Variants in FBXL2 observed in about 807,000 individuals in gnomAD.
FBXL2 encodes F-box/LRR-repeat protein 2.
A neutral mutation model predicts 69.2 loss-of-function variants in FBXL2; 38 were observed. The observed-to-expected ratio is 0.55, with a 90% CI of 0.42 to 0.72. FBXL2 has a LOEUF of 0.72. Among genes scored for constraint, FBXL2 ranks in the 30% least tolerant of loss-of-function variants. The pLI is 0.00. For synonymous variants in FBXL2, 192 were observed against 201.3 expected, an observed-to-expected ratio of 0.95 and a Z score of 0.39; for missense variants, 354 against 520.3, an observed-to-expected ratio of 0.68 and a Z score of 3.11.
intron 2 of FBXL2, among the ~76,000 whole-genome samples, chr3:33,336,303 C>T (rs925242538): frequency 1.3e-5 from 2 of 151,936 alleles, no homozygotes; most frequent in African/African-American, 4.8e-5. Context: ...TAAGGATCAC[C>T]TGATTTACCA....
chr3:33,365,360 A>G (rs1193672718), intron 5 of FBXL2, among the ~76,000 whole-genome samples: 1 of 151,576 alleles, frequency 6.6e-6, no homozygotes, highest in Non-Finnish European at 1.5e-5. Flanking sequence ...ACTCACTGCA[A>G]CCTCTGCCTC....
chr3:33,296,064 G>A lies in FBXL2; in HGVS notation c.4-1600G>A, dbSNP rs1024984981. On this transcript the variant is annotated intron_variant, in intron 1 of 14. Transcript: ENST00000484457. ...GCCCTTTGAAGTACAAAGGTCTTTT[G>A]TTTGTTTGTTTGTGTTTCTGAGACA... Among the ~76,000 whole-genome samples the A allele has an allele frequency of 1.9e-4, 29 of 151,984 alleles. No homozygotes were observed. In the Middle Eastern group the frequency reaches 0.014, roughly 71 times the overall value.
intron 12 of FBXL2, chr3:33,393,523 T>C (rs2043850739): frequency 6.7e-7 from 1 of 1,499,088 alleles, no homozygotes; most frequent in Non-Finnish European, 9.0e-7. Flanking sequence ...GCCTGATCTG[T>C]AGGATCTGTA....
chr3:33,405,434 A>G (rs988786588), downstream of FBXL2, among the ~76,000 whole-genome samples: 2 of 152,192 alleles, frequency 1.3e-5, no homozygotes, highest in Non-Finnish European at 1.5e-5. Context: ...ACGCCAGAAC[A>G]TTGCCTCCTT....
chr3:33,277,430 C>A, upstream of FBXL2: 1 of 1,240,476 alleles, frequency 8.1e-7, no homozygotes. Flanking sequence ...CGGGGCGGGG[C>A]GCCTGGCTGG....
intron 2 of FBXL2, among the ~76,000 whole-genome samples, chr3:33,333,165 G>C (rs2039302856): frequency 6.6e-6 from 1 of 152,164 alleles, no homozygotes; most frequent in African/African-American, 2.4e-5. Context: ...ATTTTGAAAT[G>C]TGGTTACACA....
intron 9 of FBXL2, among the ~76,000 whole-genome samples, chr3:33,374,502 T>A (rs1472981835): frequency 6.6e-6 from 1 of 152,196 alleles, no homozygotes; most frequent in African/African-American, 2.4e-5. Context: ...TTGAGAAAGG[T>A]AAGGGAAAAC....
chr3:33,359,661 GACAAAT>G (rs2041472654), intron 4 of FBXL2, among the ~76,000 whole-genome samples: 1 of 151,710 alleles, frequency 6.6e-6, no homozygotes, highest in Non-Finnish European at 1.5e-5. Context: ...TAGGAGACTT[GACAAAT>G]ACTTATTGAT....
intron 1 of FBXL2, among the ~76,000 whole-genome samples, chr3:33,283,973 AT>A (rs1236045072): frequency 1.3e-5 from 2 of 151,934 alleles, no homozygotes; most frequent in Non-Finnish European, 2.9e-5. Context: ...CAGTCTATCA[AT>A]TTTGTTGATC....
At chr3:33,389,859 T>G (rs924144458), downstream of FBXL2, 7 of 157,740 alleles carry the variant, frequency 4.4e-5, no homozygotes, top group African/African-American at 1.7e-4. Flanking sequence ...AACACAACTC[T>G]CCGCATACAG....
chr3:33,407,196 A>G (rs531241314), downstream of FBXL2, among the ~76,000 whole-genome samples: 2 of 152,342 alleles, frequency 1.3e-5, no homozygotes, highest in African/African-American at 4.8e-5. Context: ...GCAGTAAGCA[A>G]TACATGAGGA....
intron 5 of FBXL2, 98 bp from the exon 6 acceptor site, chr3:33,372,990 TTAAG>T (rs2042390600): frequency 1.0e-6 from 1 of 967,106 alleles, no homozygotes; most frequent in Non-Finnish European, 1.7e-6. Context: ...CGCGCTTTAA[TTAAG>T]TTTGAGGGAG....
intron 5 of FBXL2, among the ~76,000 whole-genome samples, chr3:33,370,886 A>C (rs1181915253): frequency 6.6e-6 from 1 of 151,996 alleles, no homozygotes; most frequent in Non-Finnish European, 1.5e-5. Context: ...CTATGGGTTT[A>C]TTGTTTTCAT....
At chr3:33,415,616 A>G in the FBXL2 span, among the ~76,000 whole-genome samples, 5 of 152,168 alleles carry the variant, frequency 3.3e-5, no homozygotes, top group Admixed American at 6.5e-5. Flanking sequence ...ACCATAATAA[A>G]AAGTTAAAAA....
At chr3:33,367,283 T>C (rs1017554942) in intron 5 of FBXL2, among the ~76,000 whole-genome samples, 5 of 152,120 alleles carry the variant, frequency 3.3e-5, no homozygotes, top group East Asian at 1.9e-4. Context: ...GGTTTCACCA[T>C]GTTGGCCAGG....
downstream of FBXL2, chr3:33,389,002 A>C (rs1414401839): frequency 2.0e-5 from 3 of 152,264 alleles, no homozygotes; most frequent in Non-Finnish European, 4.4e-5. Flanking sequence ...AATGGAATAG[A>C]AGTTAAAAAA....
intron 2 of FBXL2, among the ~76,000 whole-genome samples, chr3:33,351,440 C>A (rs2040823448): frequency 6.6e-6 from 1 of 151,840 alleles, no homozygotes; most frequent in African/African-American, 2.4e-5. Context: ...AATGAAATAC[C>A]TAAGTATAAT....
intron 2 of FBXL2, among the ~76,000 whole-genome samples, chr3:33,320,603 C>T: frequency 6.6e-6 from 1 of 151,866 alleles, no homozygotes; most frequent in Admixed American, 6.6e-5. Context: ...GCCTCAGCGT[C>T]CTGAGTAGCT....
At position 33,387,330 on chromosome 3, in the gene FBXL2, G is replaced by A. The variant is rs113083895; in HGVS notation, c.*1722G>A. On this transcript the variant is annotated 3_prime_UTR_variant, in exon 15 of 15. Coordinates refer to ENST00000484457, the MANE Select transcript of FBXL2 (RefSeq NM_012157.5). ...AAAAAATTAACTTAAGGCTGGCCACGGTGGTTCATGCCTATAATCCCAGCA... is the reference window on the plus strand; with the variant it reads ...AAAAAATTAACTTAAGGCTGGCCACAGTGGTTCATGCCTATAATCCCAGCA... 0.014 allele frequency: 2,133 copies of A among 152,320 alleles called. 21 individuals are homozygous for A. Among genetic ancestry groups the A allele is most frequent in the South Asian group, 0.026 (127 of 4,826 alleles). 9.4% of individuals were successfully genotyped at this position (152,320 alleles called of 1,614,324 possible).
Sources: allele counts gnomAD v4.1 joint callset (sites outside exome capture counted in the v4.1 genomes callset), GRCh38; gene constraint gnomAD v4.1.1; transcripts MANE v1.5; gene names NCBI Gene and HGNC (gene_info 2026-07-23, HGNC 2026-07-21).